Variants in ARB2A observed in about 807,000 individuals in gnomAD.
ARB2A encodes the protein cotranscriptional regulator ARB2A.
At chr5:93,959,909 G>A in the ARB2A span, among the ~76,000 whole-genome samples, 1 of 152,034 alleles carries the variant, frequency 6.6e-6, no homozygotes, top group Non-Finnish European at 1.5e-5. Flanking sequence ...CGAGTGACTG[G>A]AAATGGAAGC....
chr5:93,695,313 A>C, the ARB2A span, among the ~76,000 whole-genome samples: 2 of 152,248 alleles, frequency 1.3e-5, no homozygotes, highest in East Asian at 3.9e-4. Context: ...TAATATCCAG[A>C]ATCTATAAAA....
chr5:93,930,689 C>T, the ARB2A span, among the ~76,000 whole-genome samples: 1 of 152,042 alleles, frequency 6.6e-6, no homozygotes, highest in African/African-American at 2.4e-5. Flanking sequence ...AAGAAAAACC[C>T]TCTTCTTGTT....
the ARB2A span, among the ~76,000 whole-genome samples, chr5:94,084,274 C>CAA: frequency 4.1e-5 from 3 of 73,100 alleles, no homozygotes; most frequent in Non-Finnish European, 8.5e-5. Flanking sequence ...AACTTCATCT[C>CAA]AAAAAAAAAA....
At chr5:93,935,811 C>T in the ARB2A span, among the ~76,000 whole-genome samples, 8 of 152,058 alleles carry the variant, frequency 5.3e-5, no homozygotes, top group Non-Finnish European at 8.8e-5. Context: ...AATCTGAGTT[C>T]AAAATGATTT....
At chr5:93,969,336 ATGTCTAG>A in the ARB2A span, among the ~76,000 whole-genome samples, 2 of 152,158 alleles carry the variant, frequency 1.3e-5, no homozygotes, top group African/African-American at 4.8e-5. Flanking sequence ...ACACATGAAG[ATGTCTAG>A]TGTCATTTGA....
chr5:94,103,851 T>C, the ARB2A span, among the ~76,000 whole-genome samples: 3 of 145,890 alleles, frequency 2.1e-5, no homozygotes, highest in South Asian at 2.1e-4. Flanking sequence ...AGTACAAGAA[T>C]AGATCTCTCA....
the ARB2A span, among the ~76,000 whole-genome samples, chr5:93,777,320 A>T: frequency 1.4e-4 from 21 of 152,134 alleles, no homozygotes; most frequent in African/African-American, 5.1e-4. Context: ...ATAATAAAAA[A>T]AAATCACCAT....
chr5:93,743,463 A>G, the ARB2A span: 1 of 856,868 alleles, frequency 1.2e-6, no homozygotes, highest in Non-Finnish European at 1.4e-6. Flanking sequence ...CAGTCTATAA[A>G]AAACAGCTTG....
the ARB2A span, among the ~76,000 whole-genome samples, chr5:94,037,572 C>T: frequency 1.3e-5 from 2 of 152,224 alleles, no homozygotes; most frequent in Admixed American, 1.3e-4. Context: ...CCACATTATT[C>T]TTCACAACAG....
the ARB2A span, among the ~76,000 whole-genome samples, chr5:93,722,925 T>C: frequency 6.6e-6 from 1 of 152,158 alleles, no homozygotes; most frequent in African/African-American, 2.4e-5. Context: ...CAATACATGT[T>C]AAATGTTCTC....
the ARB2A span, among the ~76,000 whole-genome samples, chr5:93,731,520 G>A: frequency 6.6e-6 from 1 of 152,160 alleles, no homozygotes; most frequent in Admixed American, 6.5e-5. Context: ...GTGGTACTTT[G>A]TTTGGCAGTC....
chr5:93,993,246 G>A, the ARB2A span, among the ~76,000 whole-genome samples: 1 of 151,932 alleles, frequency 6.6e-6, no homozygotes, highest in Non-Finnish European at 1.5e-5. Flanking sequence ...TTTTGCTTTG[G>A]AGAGCTTCAC....
At chr5:94,089,962 C>T in the ARB2A span, among the ~76,000 whole-genome samples, 185 of 152,138 alleles carry the variant, frequency 1.2e-3, 3 homozygotes, top group Admixed American at 8.6e-3. Flanking sequence ...AAGAATCTTA[C>T]TATGATTTAA....
chr5:93,865,569 T>A, the ARB2A span: 1 of 985,402 alleles, frequency 1.0e-6, no homozygotes, highest in Non-Finnish European at 1.2e-6. Flanking sequence ...AAAAGAAGTT[T>A]TAAAAGCAAA....
chr5:93,879,363 A>C, the ARB2A span, among the ~76,000 whole-genome samples: 2 of 152,042 alleles, frequency 1.3e-5, no homozygotes, highest in Admixed American at 6.6e-5. Flanking sequence ...TTTCATAACT[A>C]AGACCATCGA....
chr5:93,892,249 T>C, the ARB2A span, among the ~76,000 whole-genome samples: 1 of 152,182 alleles, frequency 6.6e-6, no homozygotes, highest in Non-Finnish European at 1.5e-5. Context: ...AGACTCAAAG[T>C]GCAATTATAC....
At chr5:93,621,155 C>G in the ARB2A span, 1 of 1,572,198 alleles carries the variant, frequency 6.4e-7, no homozygotes, top group Non-Finnish European at 8.6e-7. Flanking sequence ...CATTCGGTTA[C>G]CAGGTGGCCA....
chr5:93,976,409 C>T, the ARB2A span, among the ~76,000 whole-genome samples: 1 of 152,168 alleles, frequency 6.6e-6, no homozygotes, highest in African/African-American at 2.4e-5. Context: ...CCAGAGCAAT[C>T]AGGCAAGAGG....
At chr5:93,906,281 G>A in the ARB2A span, among the ~76,000 whole-genome samples, 2 of 151,340 alleles carry the variant, frequency 1.3e-5, no homozygotes, top group Admixed American at 1.3e-4. Context: ...TAAACCATCA[G>A]TGATTTTTTT....
Sources: allele counts gnomAD v4.1 joint callset (sites outside exome capture counted in the v4.1 genomes callset), GRCh38; gene constraint gnomAD v4.1.1; transcripts MANE v1.5; gene names NCBI Gene and HGNC (gene_info 2026-07-23, HGNC 2026-07-21).